The following NCK1 variants were observed in gnomAD, a reference collection of about 807,000 sequenced individuals.
NCK1 encodes SH2/SH3 adapter protein NCK1.
Under a neutral mutation model 36.6 loss-of-function variants are expected in NCK1, and 19 were observed. The observed-to-expected ratio is 0.52, with a 90% CI of 0.36 to 0.76. The LOEUF is 0.76. Ranked by LOEUF, NCK1 falls within the 30% of genes least tolerant of loss-of-function variation. The pLI is 0.00. For synonymous variants in NCK1, 165 were observed against 156.0 expected, an observed-to-expected ratio of 1.06 and a Z score of -0.43; for missense variants, 358 against 445.6, an observed-to-expected ratio of 0.80 and a Z score of 1.77.
intron 1 of NCK1, among the ~76,000 whole-genome samples, chr3:136,927,574 T>G (rs1342187843): frequency 1.3e-5 from 2 of 152,134 alleles, no homozygotes; most frequent in African/African-American, 4.8e-5. Context: ...CAGGCTGGAG[T>G]GCAGTGGTGC....
chr3:136,919,252 C>T (rs1940045263), intron 1 of NCK1, among the ~76,000 whole-genome samples: 1 of 151,652 alleles, frequency 6.6e-6, no homozygotes. Flanking sequence ...TAGAACTGTT[C>T]TTATTTTCTT....
rs1190486391 is a variant in NCK1, at chr3:136,887,189, CTG to C, written c.-19+24840_-19+24841del. On this transcript the variant is annotated intron_variant, in intron 1 of 3. Transcript: ENST00000481752. The stretch of plus-strand genomic sequence containing the variant: ...TTATTTCTTTAGAAATGAGGTTTCA[CTG>C]TGTTTTCCAGACTGGAGTACAGTGG... Among the ~76,000 whole-genome samples the C allele has an allele frequency of 4.6e-5, 7 of 152,296 alleles. No individual in the cohort carries two copies. In the East Asian group the frequency reaches 1.3e-3, roughly 29 times the overall value.
intron 3 of NCK1, among the ~76,000 whole-genome samples, chr3:136,947,981 GTGTTAAGAGACT>G (rs1433992693): frequency 6.6e-6 from 1 of 152,196 alleles, no homozygotes; most frequent in East Asian, 1.9e-4. Flanking sequence ...GGAGCCGTGG[GTGTTAAGAGACT>G]TTTGATTATG....
intron 1 of NCK1, among the ~76,000 whole-genome samples, chr3:136,915,197 C>G (rs142166305): frequency 6.6e-6 from 1 of 152,118 alleles, no homozygotes; most frequent in African/African-American, 2.4e-5. Context: ...TCAAGTAGAT[C>G]ACATTACTAC....
At position 136,930,455 on chromosome 3, in the gene NCK1, G is replaced by C. The variant is rs1940361984; in HGVS notation, c.226+2228G>C. On this transcript the variant is annotated intron_variant, in intron 2 of 3. Transcript: ENST00000481752. ...GCCTGGGTGTGGGCCAGGTCACATG[G>C]ATTGGGTGTGGGAAGTTTCAGTGTT... The C allele has an allele frequency of 1.2e-5, 15 of 1,259,038 alleles. No homozygotes were observed. In the South Asian group the frequency reaches 3.5e-4, roughly 30 times the overall value. 78.0% of individuals were successfully genotyped at this position (1,259,038 alleles called of 1,614,324 possible).
chr3:136,942,303 T>C (rs920820170), intron 2 of NCK1, among the ~76,000 whole-genome samples: 4 of 152,236 alleles, frequency 2.6e-5, no homozygotes, highest in Non-Finnish European at 5.9e-5. Context: ...TTCTATCCCC[T>C]CCCCAGGGCT....
At chr3:136,930,305 C>T (rs1215065317) in intron 2 of NCK1, among the ~76,000 whole-genome samples, 1 of 152,072 alleles carries the variant, frequency 6.6e-6, no homozygotes, top group African/African-American at 2.4e-5. Flanking sequence ...AAAGCATCTT[C>T]CAAAATAAGT....
chr3:136,919,105 G>A (rs910555317), intron 1 of NCK1, among the ~76,000 whole-genome samples: 10 of 152,252 alleles, frequency 6.6e-5, no homozygotes, highest in African/African-American at 1.2e-4. Context: ...CAGACTCAGC[G>A]TCTGCATAAA....
intron 1 of NCK1, among the ~76,000 whole-genome samples, chr3:136,894,906 C>G (rs1259799847): frequency 6.6e-6 from 1 of 151,700 alleles, no homozygotes; most frequent in African/African-American, 2.4e-5. Context: ...GAGTTTCACT[C>G]TTGTTGCCCA....
rs1282461892 is a variant in NCK1 at position 136,891,705 on chromosome 3, T to G, written c.-19+29352T>G. Among the ~76,000 whole-genome samples, 3 of 152,214 alleles carry G rather than the reference T, an allele frequency of 2.0e-5. No individual in the cohort carries two copies. The East Asian group carries it at 5.8e-4, about 29-fold the overall frequency. Reference sequence around the variant, plus strand: ...ACATTTTCACCAACACTTGTTATTTTCTGTCATCATCATTTTTTTAATAAT... The same window carrying G: ...ACATTTTCACCAACACTTGTTATTTGCTGTCATCATCATTTTTTTAATAAT... On this transcript the variant is annotated intron_variant, in intron 1 of 3. Transcript: ENST00000481752.
At chr3:136,940,495 G>C (rs111280881) in intron 2 of NCK1, among the ~76,000 whole-genome samples, 3 of 152,066 alleles carry the variant, frequency 2.0e-5, no homozygotes, top group Admixed American at 6.5e-5. Context: ...TTGATGGACT[G>C]ATTCTTTTAT....
intron 1 of NCK1, among the ~76,000 whole-genome samples, chr3:136,909,405 C>G (rs1031195118): frequency 2.6e-5 from 4 of 152,122 alleles, no homozygotes; most frequent in African/African-American, 9.7e-5. Context: ...TGCTAAAAAC[C>G]ACGTGTATGA....
chr3:136,893,189 T>TACACACACAC (rs1487055285), intron 1 of NCK1, among the ~76,000 whole-genome samples: 42 of 123,078 alleles, frequency 3.4e-4, no homozygotes, highest in South Asian at 8.9e-4. Flanking sequence ...TATATATATA[T>TACACACACAC]ATACACACAT....
At chr3:136,924,388 T>C (rs931569591) in intron 1 of NCK1, among the ~76,000 whole-genome samples, 5 of 152,158 alleles carry the variant, frequency 3.3e-5, no homozygotes, top group Non-Finnish European at 7.3e-5. Context: ...ACAGGACAAG[T>C]GAAGCCAGCT....
intron 2 of NCK1, among the ~76,000 whole-genome samples, chr3:136,938,271 A>G (rs1368386236): frequency 1.3e-5 from 2 of 152,136 alleles, no homozygotes; most frequent in Non-Finnish European, 2.9e-5. Context: ...TCCTTTTAAT[A>G]TGCTTGCTGG....
At chr3:136,929,645 G>A (rs1186202101) in intron 2 of NCK1, among the ~76,000 whole-genome samples, 2 of 152,124 alleles carry the variant, frequency 1.3e-5, no homozygotes, top group Non-Finnish European at 1.5e-5. Context: ...GAGAAATTAA[G>A]GTAATTTCTG....
intron 2 of NCK1, among the ~76,000 whole-genome samples, chr3:136,941,982 G>A (rs986221208): frequency 6.6e-6 from 1 of 152,120 alleles, no homozygotes; most frequent in Non-Finnish European, 1.5e-5. Context: ...GGGACTACAA[G>A]CGTGTGCCAC....
At chr3:136,875,947 A>G (rs1938753847) in intron 1 of NCK1, among the ~76,000 whole-genome samples, 1 of 152,176 alleles carries the variant, frequency 6.6e-6, no homozygotes, top group Admixed American at 6.5e-5. Flanking sequence ...AATTATAACA[A>G]ACTATCTCTC....
chr3:136,946,894 G>A (rs1288545603), intron 3 of NCK1: 1 of 152,090 alleles, frequency 6.6e-6, no homozygotes, highest in Non-Finnish European at 1.5e-5. Flanking sequence ...AACCATAAAA[G>A]TTGAAAAATA....
Sources: gnomAD v4.1 joint callset for allele counts (sites outside exome capture counted in the v4.1 genomes callset) on GRCh38, gnomAD v4.1.1 for gene constraint, MANE v1.5 for transcripts, NCBI Gene and HGNC (gene_info 2026-07-23, HGNC 2026-07-21) for gene names.